Variants in NRXN3 observed in about 807,000 individuals in gnomAD.
NRXN3 encodes the protein neurexin III.
In NRXN3, 32 loss-of-function variants were observed where a neutral mutation model predicts 137.6. The ratio of observed to expected loss-of-function variants is 0.23; its 90% confidence interval spans 0.18 to 0.31. NRXN3 has a LOEUF of 0.31. Ranked by LOEUF, NRXN3 falls within the 10% of genes least tolerant of loss-of-function variation. The pLI is 1.00. For missense variants in NRXN3, 1,574 were observed against 2,062.5 expected (o/e 0.76, Z 4.59); for synonymous variants, 798 against 784.5 (o/e 1.02, Z -0.29).
intron 15 of NRXN3, among the ~76,000 whole-genome samples, chr14:79,226,156 A>G (rs1228017204): frequency 6.6e-6 from 1 of 152,192 alleles, no homozygotes; most frequent in African/African-American, 2.4e-5. Flanking sequence ...CAGCTAAGCA[A>G]CATGACTCCC....
intron 4 of NRXN3, among the ~76,000 whole-genome samples, chr14:78,485,426 A>G (rs2095546157): frequency 2.0e-5 from 3 of 152,248 alleles, no homozygotes; most frequent in Non-Finnish European, 4.4e-5. Context: ...TATCGTCTTC[A>G]GATGACTACA....
chr14:78,398,875 A>T (rs1363302453), intron 4 of NRXN3, among the ~76,000 whole-genome samples: 1 of 152,184 alleles, frequency 6.6e-6, no homozygotes, highest in Non-Finnish European at 1.5e-5. Context: ...GCTTGGCCTT[A>T]TCTGATACCA....
intron 4 of NRXN3, among the ~76,000 whole-genome samples, chr14:78,462,210 C>A (rs989827392): frequency 6.6e-5 from 10 of 152,170 alleles, no homozygotes; most frequent in African/African-American, 2.4e-4. Flanking sequence ...CCTTTGGATG[C>A]CTTGATCCAT....
intron 19 of NRXN3, among the ~76,000 whole-genome samples, chr14:79,752,093 A>C (rs2098999990): frequency 6.6e-6 from 1 of 152,090 alleles, no homozygotes; most frequent in African/African-American, 2.4e-5. Context: ...TCATAAAACG[A>C]GTTAGGGAGG....
At chr14:79,536,590 A>G (rs28508569) in intron 16 of NRXN3, among the ~76,000 whole-genome samples, 5,522 of 152,026 alleles carry the variant, frequency 0.036, 314 homozygotes, top group African/African-American at 0.12. Flanking sequence ...TGCATTAACT[A>G]TTTATCCTGA....
At chr14:79,766,898 T>C (rs1240383914) in intron 19 of NRXN3, among the ~76,000 whole-genome samples, 1 of 152,172 alleles carries the variant, frequency 6.6e-6, no homozygotes, top group Non-Finnish European at 1.5e-5. Context: ...AGTCTGGCTT[T>C]GCTGGAAGTG....
chr14:78,318,856 G>C (rs1417007544), intron 4 of NRXN3, among the ~76,000 whole-genome samples: 1 of 152,220 alleles, frequency 6.6e-6, no homozygotes, highest in African/African-American at 2.4e-5. Flanking sequence ...TAGCACCAAG[G>C]TTGCATTTGA....
rs1369458299 is a variant in NRXN3, at chr14:79,395,507, A to T, written c.3263-71714A>T. On this transcript the variant is annotated intron_variant, in intron 15 of 20. Transcript: ENST00000335750. Reference sequence around the variant, plus strand: ...GCATATGTGGAGTGTGTGTGTGTATAAAAAAAATGCAGGCTGTGAGGCCGG... The same window carrying T: ...GCATATGTGGAGTGTGTGTGTGTATTAAAAAAATGCAGGCTGTGAGGCCGG... Among the ~76,000 whole-genome samples, 5 of 151,892 alleles carry T rather than the reference A, an allele frequency of 3.3e-5. No homozygotes were observed. In the East Asian group the frequency reaches 5.8e-4, roughly 18 times the overall value.
At chr14:78,214,345 C>T (rs1040229059) in intron 1 of NRXN3, among the ~76,000 whole-genome samples, 3 of 152,166 alleles carry the variant, frequency 2.0e-5, no homozygotes, top group Non-Finnish European at 2.9e-5. Context: ...GGCTGGAGTC[C>T]CCTCCTAGTG....
intron 4 of NRXN3, among the ~76,000 whole-genome samples, chr14:78,307,139 T>C (rs1246567478): frequency 1.3e-5 from 2 of 152,042 alleles, no homozygotes; most frequent in African/African-American, 4.8e-5. Flanking sequence ...TATTTGTTTA[T>C]TGGGGATGGC....
intron 4 of NRXN3, among the ~76,000 whole-genome samples, chr14:78,601,864 C>G (rs2097204962): frequency 6.6e-6 from 1 of 152,190 alleles, no homozygotes; most frequent in Admixed American, 6.5e-5. Flanking sequence ...TATTTATTCT[C>G]CCTCCAGTCT....
At chr14:79,561,389 G>A (rs888527525) in intron 16 of NRXN3, among the ~76,000 whole-genome samples, 2 of 152,150 alleles carry the variant, frequency 1.3e-5, no homozygotes, top group African/African-American at 4.8e-5. Flanking sequence ...AACAAATGTA[G>A]CAAGAAGTAA....
intron 16 of NRXN3, among the ~76,000 whole-genome samples, chr14:79,631,907 A>G (rs1231760885): frequency 2.0e-5 from 3 of 152,172 alleles, no homozygotes; most frequent in African/African-American, 7.2e-5. Flanking sequence ...AAAGGTTTGT[A>G]AATGCACCAA....
chr14:79,143,718 A>G (rs1336919387), intron 15 of NRXN3, among the ~76,000 whole-genome samples: 2 of 152,226 alleles, frequency 1.3e-5, no homozygotes, highest in Non-Finnish European at 2.9e-5. Flanking sequence ...ATTACCTTCC[A>G]TTTTGGAGAC....
At chr14:78,453,414 G>A (rs996475654) in intron 4 of NRXN3, among the ~76,000 whole-genome samples, 1 of 152,202 alleles carries the variant, frequency 6.6e-6, no homozygotes, top group Non-Finnish European at 1.5e-5. Flanking sequence ...TTTTGCTAAA[G>A]CCCAGGTCTA....
intron 4 of NRXN3, among the ~76,000 whole-genome samples, chr14:78,364,263 A>T (rs963481710): frequency 6.6e-6 from 1 of 152,166 alleles, no homozygotes; most frequent in Non-Finnish European, 1.5e-5. Context: ...TGGCCTTGGG[A>T]TAGGTAAGGT....
chr14:78,465,964 G>A (rs2095093061), intron 4 of NRXN3, among the ~76,000 whole-genome samples: 1 of 151,774 alleles, frequency 6.6e-6, no homozygotes, highest in African/African-American at 2.4e-5. Flanking sequence ...CCGTTCTCCT[G>A]CCTCAGCCTC....
intron 17 of NRXN3, among the ~76,000 whole-genome samples, chr14:79,682,867 T>C (rs1369998237): frequency 3.3e-5 from 5 of 152,180 alleles, no homozygotes; most frequent in Admixed American, 1.3e-4. Context: ...AGAGGGACCA[T>C]GGTGATTACC....
chr14:79,073,101 G>T (rs1169051093), intron 15 of NRXN3, among the ~76,000 whole-genome samples: 2 of 152,066 alleles, frequency 1.3e-5, no homozygotes, highest in African/African-American at 4.8e-5. Context: ...TGACCAGGCT[G>T]GTCTTGAACT....
Sources: allele counts gnomAD v4.1 joint callset (sites outside exome capture counted in the v4.1 genomes callset), GRCh38; gene constraint gnomAD v4.1.1; transcripts MANE v1.5; gene names NCBI Gene and HGNC (gene_info 2026-07-23, HGNC 2026-07-21).